The following TLN2 variants were observed in gnomAD, a reference collection of about 807,000 sequenced individuals.
TLN2 encodes the protein talin 2.
TLN2 carries 118 observed loss-of-function variants against 294.7 expected under a neutral mutation model. The ratio of observed to expected loss-of-function variants is 0.40; its 90% CI spans 0.34 to 0.47. The LOEUF is 0.47. TLN2 is among the 20% of genes least tolerant of loss of function. TLN2 has a pLI of 0.84. For missense variants in TLN2, 3,083 were observed against 3,282.2 expected, an observed-to-expected ratio of 0.94 and a Z score of 1.48; for synonymous variants, 1,431 against 1,304.5, an observed-to-expected ratio of 1.10 and a Z score of -2.09.
intron 2 of TLN2, among the ~76,000 whole-genome samples, chr15:62,592,786 G>T (rs2046185661): frequency 6.6e-6 from 1 of 152,178 alleles, no homozygotes; most frequent in African/African-American, 2.4e-5. Context: ...ACGCTTTGCA[G>T]GAATAAACAT....
intron 20 of TLN2, among the ~76,000 whole-genome samples, chr15:62,708,212 T>A (rs2059191114): frequency 6.6e-6 from 1 of 152,146 alleles, no homozygotes; most frequent in Admixed American, 6.5e-5. Context: ...CTCAGAAATT[T>A]CTCTGTATGG....
At chr15:62,712,871 T>C (rs985987909) in intron 22 of TLN2, among the ~76,000 whole-genome samples, 2 of 152,202 alleles carry the variant, frequency 1.3e-5, no homozygotes, top group East Asian at 1.9e-4. Context: ...ACATTTCTTA[T>C]AGAATTAATA....
intron 58 of TLN2, 83 bp from the exon 59 acceptor site, chr15:62,840,399 G>A (rs988408543): frequency 3.4e-5 from 53 of 1,558,258 alleles, no homozygotes; most frequent in African/African-American, 2.2e-4. Flanking sequence ...CGCGGGAGCC[G>A]TGGAGCTCAC....
chr15:62,689,788 C>T (rs1292178136), intron 12 of TLN2, among the ~76,000 whole-genome samples: 1 of 86,336 alleles, frequency 1.2e-5, no homozygotes, highest in Non-Finnish European at 2.6e-5. Flanking sequence ...TGTCATTTTT[C>T]TGTGGCTGTT....
chr15:62,425,052 A>T (rs1000911970), intron 1 of TLN2, among the ~76,000 whole-genome samples: 1 of 143,790 alleles, frequency 7.0e-6, no homozygotes, highest in African/African-American at 2.6e-5. Flanking sequence ...TCCCCAGTTC[A>T]AGTGATTCTC....
chr15:62,525,817 T>G (rs2040705702), intron 1 of TLN2, among the ~76,000 whole-genome samples: 1 of 152,310 alleles, frequency 6.6e-6, no homozygotes, highest in South Asian at 2.1e-4. Context: ...CACCCCTGCT[T>G]CTAGCTCAGG....
intron 1 of TLN2, among the ~76,000 whole-genome samples, chr15:62,494,458 A>G (rs2038915328): frequency 6.6e-6 from 1 of 152,108 alleles, no homozygotes; most frequent in African/African-American, 2.4e-5. Context: ...ATTTAGAAAA[A>G]TGGCTACACT....
intron 28 of TLN2, among the ~76,000 whole-genome samples, chr15:62,727,899 G>T (rs1595806164): frequency 7.4e-6 from 1 of 134,812 alleles, no homozygotes. Context: ...AGGGTGAAGA[G>T]GGGAGGAGTG....
intron 1 of TLN2, among the ~76,000 whole-genome samples, chr15:62,427,686 A>G (rs1204670195): frequency 2.0e-5 from 3 of 152,104 alleles, no homozygotes; most frequent in Non-Finnish European, 4.4e-5. Flanking sequence ...AGTCCCTGGT[A>G]ACCCTGCCAT....
At chr15:62,812,809 C>T (rs971917608) in intron 52 of TLN2, among the ~76,000 whole-genome samples, 1 of 152,166 alleles carries the variant, frequency 6.6e-6, no homozygotes, top group East Asian at 1.9e-4. Flanking sequence ...GAGGGGCGGG[C>T]GGGCAGATGG....
chr15:62,638,550 C>G (rs1365221693), intron 3 of TLN2: 1 of 456,018 alleles, frequency 2.2e-6, no homozygotes, highest in Non-Finnish European at 4.4e-6. Context: ...GTGAGAAGGT[C>G]TGGTTGTGCT....
intron 1 of TLN2, among the ~76,000 whole-genome samples, chr15:62,407,802 C>G (rs2033502767): frequency 6.6e-6 from 1 of 151,972 alleles, no homozygotes. Flanking sequence ...ATAATCCCAG[C>G]TACCTCAGAG....
rs149969275 is a variant in TLN2, at chr15:62,441,533, A to G, written c.-238+50848A>G. ...ACAGTCACTCAACAATCCTGACTCC[A>G]TTGTCTGTTGGGGCGGGAGGACGTT... On this transcript the variant is annotated intron_variant, in intron 1 of 58. Coordinates refer to ENST00000636159, the MANE Select transcript of TLN2 (RefSeq NM_015059.3). 4.0e-3 allele frequency among the ~76,000 whole-genome samples: 614 copies of G among 152,302 alleles called. 3 individuals carry two copies. The highest frequency in any genetic ancestry group is 0.014 in the African/African-American group (589 of 41,578).
chr15:62,457,666 C>G (rs1176441128), intron 1 of TLN2, among the ~76,000 whole-genome samples: 4 of 152,114 alleles, frequency 2.6e-5, no homozygotes, highest in African/African-American at 4.8e-5. Flanking sequence ...TTCCACATGT[C>G]TAGATGATAA....
At chr15:62,711,434 G>T (rs1485381119) in intron 21 of TLN2, among the ~76,000 whole-genome samples, 1 of 152,212 alleles carries the variant, frequency 6.6e-6, no homozygotes, top group Non-Finnish European at 1.5e-5. Context: ...ACATTGAATG[G>T]ATTGTGTGAT....
intron 1 of TLN2, among the ~76,000 whole-genome samples, chr15:62,537,960 G>A (rs58777333): frequency 0.014 from 2,167 of 152,274 alleles, 54 homozygotes; most frequent in African/African-American, 0.05. Context: ...GGTGGCTCAC[G>A]TCTGTAATCG....
intron 8 of TLN2, among the ~76,000 whole-genome samples, chr15:62,656,383 C>G (rs980144170): frequency 2.6e-5 from 4 of 152,144 alleles, no homozygotes; most frequent in African/African-American, 9.7e-5. Context: ...ACTTAACTGG[C>G]TCACCATTTC....
intron 1 of TLN2, among the ~76,000 whole-genome samples, chr15:62,526,817 A>G (rs958776979): frequency 1.3e-5 from 2 of 152,206 alleles, no homozygotes; most frequent in Non-Finnish European, 2.9e-5. Context: ...TATAGATGCC[A>G]GCCCCTGTTC....
intron 6 of TLN2, 36 bp downstream of exon 6, chr15:62,652,170 T>C (rs776289422): frequency 2.2e-5 from 33 of 1,478,154 alleles, no homozygotes; most frequent in Non-Finnish European, 2.9e-5. Context: ...GTCTTTTTGC[T>C]TAGTTTTTAA....
Sources: gnomAD v4.1 joint callset for allele counts (sites outside exome capture counted in the v4.1 genomes callset) on GRCh38, gnomAD v4.1.1 for gene constraint, MANE v1.5 for transcripts, NCBI Gene and HGNC (gene_info 2026-07-23, HGNC 2026-07-21) for gene names.